Variants in BABAM2 observed in about 807,000 individuals in gnomAD.
The protein encoded by BABAM2 is BRISC and BRCA1 A complex member 2.
In BABAM2, 31 loss-of-function variants were observed where a neutral mutation model predicts 54.7. The observed-to-expected ratio is 0.57, with a 90% confidence interval of 0.43 to 0.77. The LOEUF (loss-of-function observed/expected upper bound fraction) is 0.77, where lower values mean the gene tolerates loss of function less well. BABAM2 is among the 30% of genes least tolerant of loss of function. The pLI, the probability that BABAM2 is intolerant of heterozygous loss-of-function variation, is 0.00. For missense variants in BABAM2, 364 were observed against 455.8 expected, an observed-to-expected ratio of 0.80 and a Z score of 1.83; for synonymous variants, 167 against 162.9, an observed-to-expected ratio of 1.03 and a Z score of -0.19.
chr2:28,254,194 C>T (rs960289436), intron 10 of BABAM2, among the ~76,000 whole-genome samples: 2 of 152,184 alleles, frequency 1.3e-5, no homozygotes, highest in South Asian at 4.1e-4. Flanking sequence ...CTATCCTCTT[C>T]ATTGTTGATC....
Position 27,989,165 on chromosome 2 carries a change from G to A in BABAM2, c.300+1078G>A, listed in dbSNP as rs17006408. Among the ~76,000 whole-genome samples, 1,043 of 151,846 alleles carry A rather than the reference G, an allele frequency of 6.9e-3. 15 individuals are homozygous for A. The highest frequency in any genetic ancestry group is 0.022 in the African/African-American group (923 of 41,406). ...GGCCCCTTTAGATGCTGTGTGTTAC[G>A]TATTCACCCCATATTAAAGCTGAGA... On this transcript the variant is annotated intron_variant, in intron 4 of 11. Coordinates refer to ENST00000379624, the MANE Select transcript of BABAM2 (RefSeq NM_199191.3).
At chr2:28,155,849 A>G (rs758854849) in intron 7 of BABAM2, among the ~76,000 whole-genome samples, 17 of 152,162 alleles carry the variant, frequency 1.1e-4, no homozygotes, top group Non-Finnish European at 1.9e-4. Context: ...GCTGGTCCAG[A>G]GGGCTTCCTT....
chr2:28,208,665 T>C (rs1679138266), intron 7 of BABAM2, among the ~76,000 whole-genome samples: 1 of 144,672 alleles, frequency 6.9e-6, no homozygotes, highest in Admixed American at 6.8e-5. Flanking sequence ...TTCCTTTCTC[T>C]TGCACATCTG....
intron 10 of BABAM2, among the ~76,000 whole-genome samples, chr2:28,291,759 A>G (rs1319960945): frequency 6.6e-6 from 1 of 152,230 alleles, no homozygotes; most frequent in East Asian, 1.9e-4. Flanking sequence ...TTAAATAGAT[A>G]CTTCTGAATT....
chr2:28,000,137 A>G (rs1673476131), intron 4 of BABAM2, among the ~76,000 whole-genome samples: 1 of 152,196 alleles, frequency 6.6e-6, no homozygotes, highest in African/African-American at 2.4e-5. Flanking sequence ...CAGTAATGAT[A>G]TATTATTATT....
At chr2:27,936,740 T>C (rs961232416) in intron 3 of BABAM2, among the ~76,000 whole-genome samples, 16 of 152,064 alleles carry the variant, frequency 1.1e-4, no homozygotes, top group East Asian at 7.8e-4. Context: ...TAGGTGGGAA[T>C]TGAACAATGA....
intron 7 of BABAM2, among the ~76,000 whole-genome samples, chr2:28,163,413 G>C (rs901065420): frequency 3.3e-5 from 5 of 152,166 alleles, no homozygotes; most frequent in Non-Finnish European, 7.3e-5. Flanking sequence ...GAGACCCAGA[G>C]AGCTTTATGC....
At chr2:27,907,167 A>T (rs1264775547) in intron 2 of BABAM2, among the ~76,000 whole-genome samples, 1 of 152,118 alleles carries the variant, frequency 6.6e-6, no homozygotes, top group African/African-American at 2.4e-5. Flanking sequence ...ACATTTCCTC[A>T]GTAATTTGGT....
chr2:28,155,730 C>T (rs2147793240), intron 7 of BABAM2, among the ~76,000 whole-genome samples: 1 of 152,224 alleles, frequency 6.6e-6, no homozygotes, highest in South Asian at 2.1e-4. Context: ...TGAGAAAAAA[C>T]AGCATTTTCT....
intron 11 of BABAM2, among the ~76,000 whole-genome samples, chr2:28,317,708 G>C (rs113960716): frequency 6.6e-6 from 1 of 152,174 alleles, no homozygotes; most frequent in South Asian, 2.1e-4. Flanking sequence ...GACCACTTAC[G>C]TACTGTTAGA....
At chr2:28,004,363 G>GT (rs1673801248) in intron 4 of BABAM2, among the ~76,000 whole-genome samples, 1 of 152,056 alleles carries the variant, frequency 6.6e-6, no homozygotes, top group African/African-American at 2.4e-5. Flanking sequence ...CCTTGTATAC[G>GT]TTTTAAGAAT....
chr2:28,026,929 T>TATATATAA (rs1675852681), intron 5 of BABAM2, among the ~76,000 whole-genome samples: 6 of 13,268 alleles, frequency 4.5e-4, no homozygotes, highest in African/African-American at 8.8e-4. Context: ...TATATATAAA[T>TATATATAA]ATATATATAA....
chr2:28,121,579 C>G (rs370625644), intron 6 of BABAM2, among the ~76,000 whole-genome samples: 2 of 152,210 alleles, frequency 1.3e-5, no homozygotes, highest in South Asian at 2.1e-4. Flanking sequence ...TTTTTATCTT[C>G]AATCTCTGTG....
intron 7 of BABAM2, among the ~76,000 whole-genome samples, chr2:28,156,232 C>T (rs1481631690): frequency 2.0e-5 from 3 of 152,172 alleles, no homozygotes; most frequent in African/African-American, 7.2e-5. Flanking sequence ...GCAAATGTCA[C>T]CTCCTCTCTG....
At chr2:27,930,944 A>C (rs1668049107) in intron 3 of BABAM2, among the ~76,000 whole-genome samples, 1 of 152,204 alleles carries the variant, frequency 6.6e-6, no homozygotes, top group Admixed American at 6.5e-5. Context: ...TGGATATTAA[A>C]CATGGAACAG....
chr2:28,060,044 C>T (rs530521232), intron 6 of BABAM2, among the ~76,000 whole-genome samples: 1 of 151,978 alleles, frequency 6.6e-6, no homozygotes, highest in Non-Finnish European at 1.5e-5. Context: ...AAAGATATTA[C>T]AAGAAAAGAA....
At chr2:28,046,473 C>G (rs1359119937) in intron 6 of BABAM2, among the ~76,000 whole-genome samples, 1 of 151,746 alleles carries the variant, frequency 6.6e-6, no homozygotes, top group Non-Finnish European at 1.5e-5. Flanking sequence ...AAACAAAAAA[C>G]AACAGATAAA....
intron 3 of BABAM2, among the ~76,000 whole-genome samples, chr2:27,984,252 T>C (rs1449707111): frequency 6.6e-6 from 1 of 152,112 alleles, no homozygotes; most frequent in African/African-American, 2.4e-5. Context: ...TTTTTGATTT[T>C]TTTTCCTAAA....
At chr2:27,961,722 CTTTTTT>C (rs5830058) in intron 3 of BABAM2, among the ~76,000 whole-genome samples, 1 of 99,090 alleles carries the variant, frequency 1.0e-5, no homozygotes. Context: ...CCTTAATTAT[CTTTTTT>C]TTTTTTTTTT....
Sources: allele counts gnomAD v4.1 joint callset (sites outside exome capture counted in the v4.1 genomes callset), GRCh38; gene constraint gnomAD v4.1.1; transcripts MANE v1.5; gene names NCBI Gene and HGNC (gene_info 2026-07-23, HGNC 2026-07-21).